The following LLGL2 variants were observed in gnomAD, a reference collection of about 807,000 sequenced individuals.
LLGL2 encodes the protein LLGL scribble cell polarity complex component 2.
In LLGL2, 81 loss-of-function variants were observed where a neutral mutation model predicts 123.2. That is an observed-to-expected ratio of 0.66 (90% CI 0.55 to 0.79). The LOEUF is 0.79. Ranked by LOEUF, LLGL2 falls within the 30% of genes least tolerant of loss-of-function variation. LLGL2 has a pLI of 0.00. For synonymous variants in LLGL2, 577 were observed against 594.1 expected, an observed-to-expected ratio of 0.97 and a Z score of 0.42; for missense variants, 1,273 against 1,414.6, an observed-to-expected ratio of 0.90 and a Z score of 1.61.
chr17:75,554,023 C>T (rs78329331), intron 2 of LLGL2, among the ~76,000 whole-genome samples: 5 of 152,040 alleles, frequency 3.3e-5, no homozygotes, highest in Non-Finnish European at 4.4e-5. Flanking sequence ...CATTTTAGGC[C>T]GGGTATGATG....
chr17:75,561,711 A>G (rs1217846097), intron 6 of LLGL2, among the ~76,000 whole-genome samples: 1 of 152,190 alleles, frequency 6.6e-6, no homozygotes, highest in Non-Finnish European at 1.5e-5. Flanking sequence ...ACCTGAGATC[A>G]GGAGTTCGAG....
intron 6 of LLGL2, among the ~76,000 whole-genome samples, chr17:75,560,974 G>C (rs2055193695): frequency 1.3e-5 from 2 of 152,098 alleles, no homozygotes; most frequent in Admixed American, 1.3e-4. Context: ...TGGGATTACA[G>C]GTGCACGCCA....
intron 1 of LLGL2, among the ~76,000 whole-genome samples, chr17:75,540,819 C>T (rs1216936835): frequency 6.6e-6 from 1 of 152,122 alleles, no homozygotes; most frequent in Non-Finnish European, 1.5e-5. Flanking sequence ...CTTCCCAGAT[C>T]AGGGTGGTGT....
chr17:75,532,032 A>C (rs1337350463), intron 1 of LLGL2, among the ~76,000 whole-genome samples: 1 of 141,234 alleles, frequency 7.1e-6, no homozygotes, highest in African/African-American at 2.6e-5. Context: ...ATATGACTGT[A>C]ATAAATTATA....
Position 75,573,264 on chromosome 17 carries a change from C to G in LLGL2, c.2711C>G (p.Thr904Ser), listed in dbSNP as rs754321787. The G allele has an allele frequency of 1.9e-6, 3 of 1,600,432 alleles. No individual in the cohort carries two copies. The Admixed American group carries it at 5.0e-5, about 27-fold the overall frequency. The change falls in exon 20 of 26, where the codon ACC (threonine) becomes AGC (serine). Residue 904 changes from threonine (T) to serine (S), a missense_variant. Thr to Ser is a moderately conservative substitution (Grantham distance 58). Coordinates refer to ENST00000392550, the MANE Select transcript of LLGL2 (RefSeq NM_001031803.2). ...AGTGGCATCGCCTCCTGCGTCTTCA[C>G]CAAATATGGCCAAGGTGTTTGAGCC... is the stretch of plus-strand genomic sequence containing the variant. ...DVSGIASCVF[T>S]KYGQGFYLIS...
At chr17:75,540,705 C>T (rs952691161) in intron 1 of LLGL2, among the ~76,000 whole-genome samples, 1 of 152,192 alleles carries the variant, frequency 6.6e-6, no homozygotes, top group Non-Finnish European at 1.5e-5. Context: ...GGGTCCAGTC[C>T]GAGTTCTGCC....
intron 10 of LLGL2, chr17:75,567,954 A>G (rs1598622979): frequency 9.5e-6 from 6 of 629,724 alleles, no homozygotes; most frequent in Non-Finnish European, 1.2e-5. Flanking sequence ...AGAAAAGAAA[A>G]AAAAAAAAAA....
chr17:75,528,019 G>A (rs1336302216), intron 1 of LLGL2, among the ~76,000 whole-genome samples: 1 of 152,020 alleles, frequency 6.6e-6, no homozygotes, highest in Non-Finnish European at 1.5e-5. Context: ...GAACTCCTGG[G>A]CTCAAGTGAT....
At chr17:75,555,013 T>TA (rs375617325) in intron 2 of LLGL2, among the ~76,000 whole-genome samples, 1 of 151,186 alleles carries the variant, frequency 6.6e-6, no homozygotes, top group Admixed American at 6.6e-5. Flanking sequence ...CTGTCTCTAC[T>TA]AAAAATACAA....
At chr17:75,571,822 G>T (rs751907418) in intron 18 of LLGL2, 39 bp downstream of exon 18, 2 of 1,603,352 alleles carry the variant, frequency 1.2e-6, no homozygotes, top group South Asian at 2.2e-5. Context: ...TGCTCGGGCT[G>T]CCTGGGCTGG....
intron 2 of LLGL2, among the ~76,000 whole-genome samples, chr17:75,548,174 C>A (rs2054508320): frequency 6.6e-6 from 1 of 151,596 alleles, no homozygotes; most frequent in Admixed American, 6.6e-5. Flanking sequence ...CTAAAACCCT[C>A]TATTCGCAAT....
Position 75,559,483 on chromosome 17 carries a change from A to G in LLGL2, c.530+73A>G. On this transcript the variant is annotated intron_variant, in intron 6 of 25. Coordinates refer to ENST00000392550, the MANE Select transcript of LLGL2 (RefSeq NM_001031803.2). This position sits in a 1 kb window ranked among gnomAD's most constrained non-coding sequence, Gnocchi z 4.6. Reference sequence around the variant, plus strand: ...CATGGCTTCTCCCCTTGGTCCCAGGACTCTGTCAGGAGCTGTCATTTCTCT... The same window carrying G: ...CATGGCTTCTCCCCTTGGTCCCAGGGCTCTGTCAGGAGCTGTCATTTCTCT... 6 of 1,508,658 alleles carry G rather than the reference A, an allele frequency of 4.0e-6. No homozygotes were observed. The highest frequency in any genetic ancestry group is 5.3e-6 in the Non-Finnish European group (6 of 1,127,086). The allele number at this position is 1,508,658 out of a possible 1,614,324, so 93.5% of individuals were successfully genotyped here. A position where few individuals can be genotyped will look rare whatever the true frequency, so the allele number is the denominator to read the frequency against.
At chr17:75,533,868 G>GC (rs2053904416) in intron 1 of LLGL2, among the ~76,000 whole-genome samples, 1 of 152,200 alleles carries the variant, frequency 6.6e-6, no homozygotes, top group African/African-American at 2.4e-5. Flanking sequence ...CTGCCAGAAG[G>GC]TGACATTTGA....
chr17:75,564,116 G>A lies in LLGL2; in HGVS notation c.882-237G>A, dbSNP rs779703795. The stretch of plus-strand genomic sequence containing the variant: ...AATCACTCTGGGTGATGTTCAAACA[G>A]AATTGGTGGGGGCACCCAGCATGAG... On this transcript the variant is annotated intron_variant, in intron 9 of 25. Transcript: ENST00000392550. The surrounding 1 kb of genome is among the most constrained non-coding windows in gnomAD (Gnocchi z 4.9). 1.3e-5 allele frequency among the ~76,000 whole-genome samples: 2 copies of A among 152,234 alleles called. No homozygotes were observed. The highest frequency in any genetic ancestry group is 2.9e-5 in the Non-Finnish European group (2 of 68,036).
intron 2 of LLGL2, among the ~76,000 whole-genome samples, chr17:75,545,056 C>T (rs557038687): frequency 3.4e-4 from 51 of 152,184 alleles, no homozygotes; most frequent in African/African-American, 9.4e-4. Flanking sequence ...TCCAGTCTTT[C>T]GCTTTGAAAA....
At chr17:75,554,057 T>G (rs1439328599) in intron 2 of LLGL2, among the ~76,000 whole-genome samples, 1 of 152,166 alleles carries the variant, frequency 6.6e-6, no homozygotes. Flanking sequence ...ATCCCAACAC[T>G]TTGAGAGGCC....
chr17:75,560,308 G>T (rs532620034), intron 6 of LLGL2, among the ~76,000 whole-genome samples: 64 of 152,330 alleles, frequency 4.2e-4, no homozygotes, highest in Admixed American at 5.9e-4. Context: ...TTTGCAGGAT[G>T]ACAGGTACCA....
chr17:75,559,284 T>C lies in LLGL2; in HGVS notation c.404T>C (p.Val135Ala). 6.2e-7 allele frequency: 1 copy of C among 1,612,406 alleles called. No homozygotes were observed. The change falls in exon 6 of 26, where the codon GTC (valine) becomes GCC (alanine). Residue 135 changes from valine to alanine, a missense_variant. By Grantham distance (64) the Val-to-Ala change is moderately conservative. Transcript: ENST00000392550. The surrounding 1 kb of genome is among the most constrained non-coding windows in gnomAD (Gnocchi z 4.6). ...CCCAGTGCCACACAGATCACCGTGG[T>C]CCTGCCACATTCCTCCTGCGAGCTG... is the stretch of plus-strand genomic sequence containing the variant. ...AAPSATQITV[V>A]LPHSSCELLY...
chr17:75,545,523 G>C (rs1440599324), intron 2 of LLGL2, among the ~76,000 whole-genome samples: 1 of 152,234 alleles, frequency 6.6e-6, no homozygotes, highest in South Asian at 2.1e-4. Context: ...GGAGTGTGGT[G>C]GGGCCAGCAG....
Sources: allele counts gnomAD v4.1 joint callset (sites outside exome capture counted in the v4.1 genomes callset), GRCh38; gene constraint gnomAD v4.1.1; non-coding constraint Gnocchi (gnomAD v3.1); transcripts MANE v1.5; gene names NCBI Gene and HGNC (gene_info 2026-07-23, HGNC 2026-07-21).